TMEM108: variants seen among roughly 807,000 people sequenced by gnomAD.
TMEM108 encodes the protein cancer/testis antigen 124.
A neutral mutation model predicts 35.1 loss-of-function variants in TMEM108; 12 were observed. That is an observed-to-expected ratio of 0.34 (90% CI 0.22 to 0.55). The LOEUF is 0.55. TMEM108 is among the 20% of genes least tolerant of loss of function. The probability of loss-of-function intolerance (pLI) is 0.89; values close to 1 mark genes in which losing one functional copy is unlikely to be tolerated. For missense variants in TMEM108, 680 were observed against 753.3 expected, an observed-to-expected ratio of 0.90 and a Z score of 1.14; for synonymous variants, 287 against 308.6, an observed-to-expected ratio of 0.93 and a Z score of 0.73.
chr3:133,339,376 T>C (rs1333612798), intron 3 of TMEM108, among the ~76,000 whole-genome samples: 1 of 151,914 alleles, frequency 6.6e-6, no homozygotes, highest in Non-Finnish European at 1.5e-5. Context: ...CACTATATAA[T>C]GATAAGGAGT....
chr3:133,191,388 A>G (rs1348109125), intron 2 of TMEM108, among the ~76,000 whole-genome samples: 3 of 152,172 alleles, frequency 2.0e-5, no homozygotes, highest in Admixed American at 6.5e-5. Context: ...TCTCCTCTGA[A>G]GTTTTGAGAA....
intron 3 of TMEM108, among the ~76,000 whole-genome samples, chr3:133,338,301 T>A (rs1341121827): frequency 6.6e-6 from 1 of 151,924 alleles, no homozygotes; most frequent in East Asian, 1.9e-4. Flanking sequence ...GAAAGGATGC[T>A]AAAAGCAGCA....
At chr3:133,293,995 C>T (rs1253916166) in intron 3 of TMEM108, among the ~76,000 whole-genome samples, 1 of 152,292 alleles carries the variant, frequency 6.6e-6, no homozygotes, top group African/African-American at 2.4e-5. Flanking sequence ...AAAGATAGAC[C>T]AGGCTACTGT....
intron 3 of TMEM108, among the ~76,000 whole-genome samples, chr3:133,232,584 C>T (rs1325391009): frequency 6.6e-6 from 1 of 152,164 alleles, no homozygotes; most frequent in African/African-American, 2.4e-5. Context: ...GACAGTAAGA[C>T]CAAAATAAAA....
chr3:133,231,953 G>A (rs1171320839), intron 3 of TMEM108, among the ~76,000 whole-genome samples: 2 of 152,136 alleles, frequency 1.3e-5, no homozygotes, highest in East Asian at 3.9e-4. Context: ...TGCTCAGTGA[G>A]TTCAGTTCAC....
At chr3:133,216,550 T>C (rs1945912140) in intron 2 of TMEM108, among the ~76,000 whole-genome samples, 1 of 152,164 alleles carries the variant, frequency 6.6e-6, no homozygotes, top group African/African-American at 2.4e-5. Context: ...TTTGAATTTA[T>C]TTGTCCTAAC....
intron 2 of TMEM108, among the ~76,000 whole-genome samples, chr3:133,053,974 C>T (rs56143733): frequency 0.1 from 15,567 of 152,098 alleles, 829 homozygotes; most frequent in East Asian, 0.15. Flanking sequence ...TTTAGAGCTG[C>T]TGATGCTCTC....
intron 2 of TMEM108, among the ~76,000 whole-genome samples, chr3:133,076,177 T>A (rs1385779465): frequency 6.6e-6 from 1 of 151,900 alleles, no homozygotes; most frequent in Non-Finnish European, 1.5e-5. Flanking sequence ...ACATTAAATG[T>A]GGGCAAATTT....
At chr3:133,228,912 T>A (rs1946112949) in intron 2 of TMEM108, among the ~76,000 whole-genome samples, 1 of 152,210 alleles carries the variant, frequency 6.6e-6, no homozygotes, top group South Asian at 2.1e-4. Context: ...GCTTGTTTTG[T>A]GAGCACCTTA....
intron 2 of TMEM108, among the ~76,000 whole-genome samples, chr3:133,219,990 C>T (rs1411512905): frequency 6.6e-6 from 1 of 151,440 alleles, no homozygotes; most frequent in Non-Finnish European, 1.5e-5. Context: ...TGTAGGTGCT[C>T]CAATGTTGGA....
chr3:133,349,435 C>T (rs2071923681), intron 3 of TMEM108, among the ~76,000 whole-genome samples: 1 of 151,890 alleles, frequency 6.6e-6, no homozygotes, highest in African/African-American at 2.4e-5. Flanking sequence ...GCAACAAAAG[C>T]AAAAATAGAC....
chr3:133,088,332 G>A (rs775147678), intron 2 of TMEM108, among the ~76,000 whole-genome samples: 18 of 152,276 alleles, frequency 1.2e-4, no homozygotes, highest in Admixed American at 2.0e-4. Context: ...GAGTCACAGG[G>A]GAGAGAAGAG....
At chr3:133,169,412 T>C (rs1221999708) in intron 2 of TMEM108, among the ~76,000 whole-genome samples, 1 of 152,186 alleles carries the variant, frequency 6.6e-6, no homozygotes, top group Admixed American at 6.5e-5. Context: ...CTCTAAAATA[T>C]CTATACAGCA....
intron 2 of TMEM108, among the ~76,000 whole-genome samples, chr3:133,169,940 G>C (rs148420168): frequency 1.3e-5 from 2 of 152,114 alleles, no homozygotes; most frequent in South Asian, 2.1e-4. Context: ...AAACAAGGGC[G>C]GGATCAGATA....
At chr3:133,109,767 A>G (rs1213497834) in intron 2 of TMEM108, among the ~76,000 whole-genome samples, 1 of 152,174 alleles carries the variant, frequency 6.6e-6, no homozygotes, top group Non-Finnish European at 1.5e-5. Context: ...TCTGTGCCAT[A>G]TTGTTCAGTG....
intron 2 of TMEM108, among the ~76,000 whole-genome samples, chr3:133,157,175 A>G (rs1375981126): frequency 6.6e-6 from 1 of 152,136 alleles, no homozygotes; most frequent in Non-Finnish European, 1.5e-5. Context: ...TATCTTTGCT[A>G]CCGTTTTTAA....
At chr3:133,211,880 T>C (rs145738754) in intron 2 of TMEM108, among the ~76,000 whole-genome samples, 329 of 152,358 alleles carry the variant, frequency 2.2e-3, no homozygotes, top group African/African-American at 7.6e-3. Flanking sequence ...TTCTCTTTTG[T>C]TTGGAATTCT....
intron 2 of TMEM108, among the ~76,000 whole-genome samples, chr3:133,131,915 A>T (rs1357972263): frequency 6.6e-6 from 1 of 152,170 alleles, no homozygotes; most frequent in Non-Finnish European, 1.5e-5. Flanking sequence ...TATATAGAAG[A>T]TAGATAGATA....
At chr3:133,094,241 C>CCCCCACCCCCCCA (rs1334338249) in intron 2 of TMEM108, among the ~76,000 whole-genome samples, 1 of 127,704 alleles carries the variant, frequency 7.8e-6, no homozygotes, top group African/African-American at 2.9e-5. Context: ...CCACCCCCCC[C>CCCCCACCCCCCCA]ACACACACGA....
Sources: gnomAD v4.1 joint callset for allele counts (sites outside exome capture counted in the v4.1 genomes callset) on GRCh38, gnomAD v4.1.1 for gene constraint, MANE v1.5 for transcripts, NCBI Gene and HGNC (gene_info 2026-07-23, HGNC 2026-07-21) for gene names.